Variants in HSP90AA1 observed in about 807,000 individuals in gnomAD.
The protein encoded by HSP90AA1 is heat shock protein HSP 90-alpha.
A neutral mutation model predicts 73.3 loss-of-function variants in HSP90AA1; 18 were observed. That is an observed-to-expected ratio of 0.25 (90% CI 0.17 to 0.36). The LOEUF is 0.36. Ranked by LOEUF, HSP90AA1 falls within the 10% of genes least tolerant of loss-of-function variation. The pLI is 1.00. For synonymous variants in HSP90AA1, 477 were observed against 296.9 expected (o/e 1.61, Z -6.24); for missense variants, 704 against 874.2 (o/e 0.81, Z 2.45).
At chr14:102,109,919 G>A (rs748041748) in intron 1 of HSP90AA1, among the ~76,000 whole-genome samples, 14 of 152,092 alleles carry the variant, frequency 9.2e-5, no homozygotes, top group Non-Finnish European at 1.6e-4. Flanking sequence ...TTGGGAACTG[G>A]AGCAAAGGTG....
chr14:102,100,303 G>A (rs2152619019), intron 2 of HSP90AA1, among the ~76,000 whole-genome samples: 1 of 152,268 alleles, frequency 6.6e-6, no homozygotes, highest in Non-Finnish European at 1.5e-5. Context: ...AGTGTTAGGA[G>A]CGTCAGGCTC....
intron 1 of HSP90AA1, among the ~76,000 whole-genome samples, chr14:102,129,106 A>G (rs567418725): frequency 6.6e-6 from 1 of 150,444 alleles, no homozygotes; most frequent in Admixed American, 6.7e-5. Context: ...TAAATTGAGC[A>G]CTATAGATAG....
chr14:102,109,942 A>T (rs940205212), intron 1 of HSP90AA1, among the ~76,000 whole-genome samples: 4 of 151,058 alleles, frequency 2.6e-5, no homozygotes, highest in African/African-American at 4.9e-5. Context: ...TCGTTATTTT[A>T]TTTTTTTTTG....
intron 1 of HSP90AA1, among the ~76,000 whole-genome samples, chr14:102,127,953 G>A (rs1291008709): frequency 6.6e-6 from 1 of 151,806 alleles, no homozygotes; most frequent in Non-Finnish European, 1.5e-5. Context: ...GCCATGTTTT[G>A]TTTTTAATTG....
upstream of HSP90AA1, among the ~76,000 whole-genome samples, chr14:102,088,546 G>A (rs2049303496): frequency 6.6e-6 from 1 of 152,226 alleles, no homozygotes; most frequent in Non-Finnish European, 1.5e-5. Flanking sequence ...GAAGTGGAAG[G>A]AAACTAGCAG....
In HSP90AA1 at chr14:102,139,164, A is replaced by G. The variant is rs1390868761; in HGVS notation, c.155+86T>C. On this transcript the variant is annotated intron_variant, in intron 1 of 11. Coordinates refer to the HSP90AA1 transcript ENST00000334701. ...AGGAATTAGGATATCTGGCTTGAGA[A>G]CACCTATGCTGTACCACATTCTTCT... 2.8e-5 allele frequency: 41 copies of G among 1,490,614 alleles called. No individual in the cohort carries two copies. In the East Asian group the frequency reaches 8.7e-4, roughly 31 times the overall value. 92.3% of individuals were successfully genotyped at this position (1,490,614 alleles called of 1,614,324 possible). A position where few individuals can be genotyped will look rare whatever the true frequency, so the allele number is the denominator to read the frequency against.
At chr14:102,094,143 C>G in intron 2 of HSP90AA1, among the ~76,000 whole-genome samples, 1 of 152,310 alleles carries the variant, frequency 6.6e-6, no homozygotes, top group African/African-American at 2.4e-5. Context: ...ACCCATCCTT[C>G]AAAGGCCGGC....
intron 1 of HSP90AA1, among the ~76,000 whole-genome samples, chr14:102,133,679 C>T: frequency 6.6e-6 from 1 of 151,930 alleles, no homozygotes; most frequent in Non-Finnish European, 1.5e-5. Context: ...GACGGGGTTT[C>T]TCCATGTCAG....
intron 1 of HSP90AA1, among the ~76,000 whole-genome samples, chr14:102,113,391 CAG>C (rs1481900431): frequency 2.7e-5 from 4 of 149,558 alleles, no homozygotes; most frequent in Non-Finnish European, 4.4e-5. Context: ...ATTTTTGAGA[CAG>C]AGTCTCACTA....
At chr14:102,136,571 A>AAC (rs1248707077) in intron 1 of HSP90AA1, among the ~76,000 whole-genome samples, 2 of 129,088 alleles carry the variant, frequency 1.5e-5, no homozygotes, top group Admixed American at 1.6e-4. Context: ...TCGTCTCAAA[A>AAC]AAAAAAAAAA....
At chr14:102,088,560 C>G (rs543066906), upstream of HSP90AA1, among the ~76,000 whole-genome samples, 1 of 152,226 alleles carries the variant, frequency 6.6e-6, no homozygotes, top group African/African-American at 2.4e-5. Context: ...CTAGCAGCCA[C>G]GTGGCGCGGG....
Position 102,083,025 on chromosome 14 carries a change from T to C in HSP90AA1, c.1755+9A>G, listed in dbSNP as rs2049135652. ...GTATCAATGATCAGGAAATGCTGTA[T>C]TCACATACCTTTTCAACTTTTTTCT... On this transcript the variant is annotated intron_variant, in intron 9 of 10. Transcript: ENST00000216281. 1 of 1,613,160 alleles carries C rather than the reference T, an allele frequency of 6.2e-7. No homozygotes were observed. The highest frequency in any genetic ancestry group is 1.1e-5 in the South Asian group (1 of 91,030).
intron 2 of HSP90AA1, among the ~76,000 whole-genome samples, chr14:102,093,925 G>C (rs1157794240): frequency 1.3e-5 from 2 of 152,162 alleles, no homozygotes; most frequent in African/African-American, 4.8e-5. Flanking sequence ...AGTGAGCCAA[G>C]ATTGTGCCAC....
chr14:102,100,387 G>A (rs2049477084), intron 2 of HSP90AA1, among the ~76,000 whole-genome samples: 1 of 150,958 alleles, frequency 6.6e-6, no homozygotes, highest in South Asian at 2.1e-4. Context: ...GCGACAGAGT[G>A]AGACCCTGTC....
At position 102,085,776 on chromosome 14, in the gene HSP90AA1, T is replaced by A. The variant is rs375703098; in HGVS notation, c.511A>T (p.Thr171Ser). 6.2e-7 allele frequency: 1 copy of A among 1,613,990 alleles called. No individual in the cohort carries two copies. Among genetic ancestry groups the A allele is most frequent in the Non-Finnish European group, 8.5e-7 (1 of 1,179,864 alleles). ...TGCCTACCTGTGTCTGTCCTCACTGTGAATGATCCCCCTGCTGAGGACTCC... is the reference window on the plus strand; with the variant it reads ...TGCCTACCTGTGTCTGTCCTCACTGAGAATGATCCCCCTGCTGAGGACTCC... ...AWESSAGGSF[T>S]VRTDTGEPMG... Residue 171 changes from threonine to serine, a missense_variant, in exon 3 of 11, where the codon ACA (threonine) becomes TCA (serine). By Grantham distance (58) the Thr-to-Ser change is moderately conservative. Transcript: ENST00000216281.
intron 1 of HSP90AA1, among the ~76,000 whole-genome samples, chr14:102,105,483 G>T (rs1327137254): frequency 1.3e-5 from 2 of 152,196 alleles, no homozygotes; most frequent in Non-Finnish European, 2.9e-5. Context: ...GGTCAGAGTG[G>T]AAGAAGGCAT....
chr14:102,096,359 C>T (rs935621798), intron 2 of HSP90AA1, among the ~76,000 whole-genome samples: 1 of 152,068 alleles, frequency 6.6e-6, no homozygotes, highest in African/African-American at 2.4e-5. Flanking sequence ...GCAGATCCTG[C>T]TAAGTGCACT....
At position 102,087,030 on chromosome 14, in the gene HSP90AA1, G is replaced by A. The variant is rs2049260601; in HGVS notation, c.-45C>T. On this transcript the variant is annotated 5_prime_UTR_variant, in exon 1 of 11. Coordinates refer to ENST00000216281, the MANE Select transcript of HSP90AA1 (RefSeq NM_005348.4). Reference sequence around the variant, plus strand: ...AGGACCAACGGCACAGCCACACCGGGACGCTGAAGCAACTGACGCGCCACC... The same window carrying A: ...AGGACCAACGGCACAGCCACACCGGAACGCTGAAGCAACTGACGCGCCACC... The A allele has an allele frequency of 5.1e-6, 5 of 985,404 alleles. No homozygotes were observed. The highest frequency in any genetic ancestry group is 4.7e-5 in the South Asian group (1 of 21,288). The allele number at this position is 985,404 out of a possible 1,614,324, so 61.0% of individuals were successfully genotyped here.
intron 6 of HSP90AA1, 124 bp from the exon 7 acceptor site, chr14:102,084,107 T>C: frequency 3.6e-6 from 3 of 844,288 alleles, no homozygotes; most frequent in Non-Finnish European, 5.9e-6. Context: ...TCTCACTCTG[T>C]TGCCCAGGCT....
Sources: gnomAD v4.1 joint callset for allele counts (sites outside exome capture counted in the v4.1 genomes callset) on GRCh38, gnomAD v4.1.1 for gene constraint, MANE v1.5 for transcripts, NCBI Gene and HGNC (gene_info 2026-07-23, HGNC 2026-07-21) for gene names.